KCNIP1: variants seen among roughly 807,000 people sequenced by gnomAD.
KCNIP1 encodes the protein potassium voltage-gated channel interacting protein 1.
A neutral mutation model predicts 33.0 loss-of-function variants in KCNIP1; 18 were observed. The ratio of observed to expected loss-of-function variants is 0.55; its 90% CI spans 0.38 to 0.81. KCNIP1 has a LOEUF of 0.81. Among genes scored for constraint, KCNIP1 ranks in the 30% least tolerant of loss-of-function variants. The pLI is 0.00. For missense variants in KCNIP1, 238 were observed against 271.6 expected (o/e 0.88, Z 0.87); for synonymous variants, 93 against 98.3 (o/e 0.95, Z 0.32).
intron 1 of KCNIP1, among the ~76,000 whole-genome samples, chr5:170,518,539 A>G (rs911977576): frequency 6.6e-6 from 1 of 152,230 alleles, no homozygotes; most frequent in Non-Finnish European, 1.5e-5. Context: ...TTGCAGAAAG[A>G]CACAGGCTGT....
At chr5:170,618,714 C>T (rs1210031028) in intron 1 of KCNIP1, among the ~76,000 whole-genome samples, 1 of 152,140 alleles carries the variant, frequency 6.6e-6, no homozygotes, top group Admixed American at 6.5e-5. Flanking sequence ...TTTGGCCAAG[C>T]CTCAGTTTCC....
intron 1 of KCNIP1, among the ~76,000 whole-genome samples, chr5:170,589,250 C>T (rs1367798348): frequency 5.9e-5 from 9 of 152,130 alleles, no homozygotes; most frequent in Non-Finnish European, 1.2e-4. Flanking sequence ...CCACCCGCCT[C>T]GGCCTCCCAA....
At chr5:170,413,032 A>G (rs923148315) in intron 1 of KCNIP1, among the ~76,000 whole-genome samples, 34 of 152,218 alleles carry the variant, frequency 2.2e-4, no homozygotes, top group African/African-American at 7.7e-4. Context: ...CAGTATCCTC[A>G]GTGCTAAAGC....
intron 1 of KCNIP1, among the ~76,000 whole-genome samples, chr5:170,688,956 A>G (rs890618648): frequency 1.4e-5 from 2 of 140,972 alleles, no homozygotes; most frequent in Non-Finnish European, 3.1e-5. Context: ...GAGGATAGAA[A>G]GAAGGGAAGG....
chr5:170,369,314 G>T (rs1331685950), intron 1 of KCNIP1, among the ~76,000 whole-genome samples: 1 of 152,200 alleles, frequency 6.6e-6, no homozygotes, highest in Non-Finnish European at 1.5e-5. Flanking sequence ...TGTGTGTAAA[G>T]GGCTTGGCGA....
intron 1 of KCNIP1, among the ~76,000 whole-genome samples, chr5:170,409,718 C>A (rs1029195861): frequency 6.6e-6 from 1 of 152,178 alleles, no homozygotes; most frequent in African/African-American, 2.4e-5. Flanking sequence ...GTGTCTTATG[C>A]CAGTTCTACA....
At chr5:170,457,201 C>T (rs2113094049) in intron 1 of KCNIP1, among the ~76,000 whole-genome samples, 1 of 151,712 alleles carries the variant, frequency 6.6e-6, no homozygotes, top group South Asian at 2.1e-4. Flanking sequence ...TGGACAAATT[C>T]TTAGAAAGAC....
chr5:170,539,951 T>G (rs941631893), intron 1 of KCNIP1, among the ~76,000 whole-genome samples: 1 of 152,216 alleles, frequency 6.6e-6, no homozygotes, highest in Non-Finnish European at 1.5e-5. Context: ...TCCTTTCCAG[T>G]GCCTGCATGC....
intron 1 of KCNIP1, chr5:170,561,059 G>A (rs1286953634): frequency 6.6e-6 from 3 of 454,798 alleles, no homozygotes; most frequent in Non-Finnish European, 1.3e-5. Context: ...CCTCCTGGCT[G>A]GTGCGTGGCT....
At chr5:170,428,052 C>T (rs1755651127) in intron 1 of KCNIP1, among the ~76,000 whole-genome samples, 2 of 152,270 alleles carry the variant, frequency 1.3e-5, no homozygotes, top group South Asian at 4.1e-4. Context: ...AAACCATGCT[C>T]AACTATTCCC....
chr5:170,509,179 G>A (rs1451645252), intron 1 of KCNIP1, among the ~76,000 whole-genome samples: 16 of 152,164 alleles, frequency 1.1e-4, no homozygotes, highest in Admixed American at 1.0e-3. Flanking sequence ...GCTTTGAATT[G>A]ACTTTGTCCA....
chr5:170,610,157 A>G (rs1759089277), intron 1 of KCNIP1, among the ~76,000 whole-genome samples: 1 of 152,194 alleles, frequency 6.6e-6, no homozygotes, highest in Admixed American at 6.5e-5. Flanking sequence ...TCCACCCTCG[A>G]ATCTGGGAGT....
rs575374463 is a variant in KCNIP1 at position 170,439,705 on chromosome 5, G to A, written c.88+85741G>A. On this transcript the variant is annotated intron_variant, in intron 1 of 7. Coordinates refer to the KCNIP1 transcript ENST00000377360. The stretch of plus-strand genomic sequence containing the variant: ...CTCCTGGGTCGAGCTGCAGGAGCAG[G>A]CCTGGCAAGTCCCTAAGGCTTCCAG... Among the ~76,000 whole-genome samples the A allele has an allele frequency of 1.8e-3, 279 of 152,338 alleles. 1 individual carries two copies. The highest frequency in any genetic ancestry group is 2.4e-3 in the Non-Finnish European group (166 of 68,014).
chr5:170,431,512 C>T (rs923535583), intron 1 of KCNIP1, among the ~76,000 whole-genome samples: 1 of 152,114 alleles, frequency 6.6e-6, no homozygotes, highest in Admixed American at 6.5e-5. Context: ...GGGATCCCCA[C>T]GCAGCTGAGA....
intron 1 of KCNIP1, among the ~76,000 whole-genome samples, chr5:170,473,891 C>T (rs1424964208): frequency 1.3e-5 from 2 of 152,100 alleles, no homozygotes; most frequent in African/African-American, 2.4e-5. Flanking sequence ...GCATGAGCAA[C>T]GAGACAGGGT....
At chr5:170,722,584 T>C in intron 4 of KCNIP1, 129 bp from the exon 5 acceptor site, 2 of 707,550 alleles carry the variant, frequency 2.8e-6, no homozygotes, top group Admixed American at 4.6e-5. Flanking sequence ...CATAGCCACA[T>C]CCTCCAGGCA....
intron 1 of KCNIP1, chr5:170,383,796 C>T (rs765019540): frequency 6.2e-7 from 1 of 1,614,192 alleles, no homozygotes; most frequent in Non-Finnish European, 8.5e-7. Context: ...TCAGCTCCTC[C>T]TGGTCCCTGA....
At chr5:170,640,674 T>G (rs1258452482) in intron 1 of KCNIP1, among the ~76,000 whole-genome samples, 3 of 152,192 alleles carry the variant, frequency 2.0e-5, no homozygotes, top group Non-Finnish European at 4.4e-5. Context: ...ACAAGCCATG[T>G]TTACTAAAAT....
chr5:170,356,641 C>G (rs1191837059), intron 1 of KCNIP1, among the ~76,000 whole-genome samples: 3 of 152,196 alleles, frequency 2.0e-5, no homozygotes, highest in African/African-American at 4.8e-5. Flanking sequence ...GCTAAAGGCT[C>G]TCTTCCCCAC....
Sources: gnomAD v4.1 joint callset for allele counts (sites outside exome capture counted in the v4.1 genomes callset) on GRCh38, gnomAD v4.1.1 for gene constraint, MANE v1.5 for transcripts, NCBI Gene and HGNC (gene_info 2026-07-23, HGNC 2026-07-21) for gene names.